The following NXPH1 variants were observed in gnomAD, a reference collection of about 807,000 sequenced individuals.
NXPH1 encodes neurexophilin-1.
NXPH1 carries 5 observed loss-of-function variants against 23.7 expected under a neutral mutation model. That is an observed-to-expected ratio of 0.21 (90% confidence interval 0.11 to 0.44). The LOEUF (loss-of-function observed/expected upper bound fraction) is 0.44. Among genes scored for constraint, NXPH1 ranks in the 20% least tolerant of loss-of-function variants. The pLI, the probability that NXPH1 is intolerant of heterozygous loss-of-function variation, is 0.99. For missense variants in NXPH1, 324 were observed against 321.6 expected (o/e 1.01, Z -0.06); for synonymous variants, 144 against 122.2 (o/e 1.18, Z -1.18).
intron 2 of NXPH1, among the ~76,000 whole-genome samples, chr7:8,504,998 G>T (rs1446003548): frequency 6.6e-6 from 1 of 152,030 alleles, no homozygotes; most frequent in African/African-American, 2.4e-5. Flanking sequence ...CATTCAGTTT[G>T]AATGCCCTGC....
At chr7:8,456,517 G>A (rs1816596979) in intron 2 of NXPH1, among the ~76,000 whole-genome samples, 2 of 152,156 alleles carry the variant, frequency 1.3e-5, no homozygotes, top group South Asian at 4.1e-4. Context: ...CAGGTTTAAG[G>A]AAACAGAGGT....
intron 2 of NXPH1, among the ~76,000 whole-genome samples, chr7:8,682,271 C>G (rs1438703361): frequency 1.3e-5 from 2 of 152,116 alleles, no homozygotes; most frequent in East Asian, 3.9e-4. Flanking sequence ...CTAGCCGTGC[C>G]TCAGAAGTTC....
intron 2 of NXPH1, among the ~76,000 whole-genome samples, chr7:8,579,373 TTTG>T (rs781139643): frequency 2.1e-3 from 146 of 68,948 alleles, no homozygotes; most frequent in African/African-American, 0.018. Flanking sequence ...GTTTTTTTTT[TTTG>T]TTTTGTTTTT....
intron 2 of NXPH1, among the ~76,000 whole-genome samples, chr7:8,446,249 A>C (rs1409410330): frequency 6.6e-6 from 1 of 152,228 alleles, no homozygotes; most frequent in Non-Finnish European, 1.5e-5. Context: ...AGTGATATGA[A>C]CACTGGTATG....
At chr7:8,666,646 G>A (rs993629110) in intron 2 of NXPH1, among the ~76,000 whole-genome samples, 1 of 152,036 alleles carries the variant, frequency 6.6e-6, no homozygotes, top group South Asian at 2.1e-4. Flanking sequence ...CAGCAGTAAA[G>A]CCATCAAGTC....
chr7:8,726,330 T>TA (rs1190408867), intron 2 of NXPH1, among the ~76,000 whole-genome samples: 4 of 152,064 alleles, frequency 2.6e-5, no homozygotes, highest in Admixed American at 1.3e-4. Context: ...TTTGTTTGTT[T>TA]TTTTTAAATG....
chr7:8,579,443 G>A (rs1364120172), intron 2 of NXPH1, among the ~76,000 whole-genome samples: 4 of 151,286 alleles, frequency 2.6e-5, no homozygotes, highest in African/African-American at 9.8e-5. Context: ...TGTGATCTTG[G>A]CTCACTGAAA....
chr7:8,507,853 G>T (rs758324778), intron 2 of NXPH1, among the ~76,000 whole-genome samples: 7 of 152,074 alleles, frequency 4.6e-5, no homozygotes, highest in Non-Finnish European at 7.4e-5. Context: ...CTTGTGGCTG[G>T]GCAGTAAGCT....
chr7:8,493,212 G>C (rs1373835853), intron 2 of NXPH1, among the ~76,000 whole-genome samples: 1 of 151,954 alleles, frequency 6.6e-6, no homozygotes, highest in Non-Finnish European at 1.5e-5. Context: ...ATAATGTGAG[G>C]ACAATGGTTA....
intron 2 of NXPH1, among the ~76,000 whole-genome samples, chr7:8,731,732 T>A (rs913655487): frequency 6.6e-4 from 101 of 152,340 alleles, no homozygotes; most frequent in Non-Finnish European, 1.3e-3. Flanking sequence ...GGAGAACCAC[T>A]GCTCTCTTCA....
At chr7:8,475,623 G>C (rs1376918983) in intron 2 of NXPH1, among the ~76,000 whole-genome samples, 1 of 152,034 alleles carries the variant, frequency 6.6e-6, no homozygotes, top group Non-Finnish European at 1.5e-5. Flanking sequence ...TGATTGCTGG[G>C]GAAAGTTTAG....
chr7:8,473,645 T>A (rs1248557398), intron 2 of NXPH1, among the ~76,000 whole-genome samples: 1 of 152,152 alleles, frequency 6.6e-6, no homozygotes, highest in East Asian at 1.9e-4. Context: ...GTGTTTTCTG[T>A]ATAAATAAGC....
chr7:8,575,876 C>A (rs1180244605), intron 2 of NXPH1, among the ~76,000 whole-genome samples: 5 of 151,954 alleles, frequency 3.3e-5, no homozygotes. Context: ...ATCATAGTTT[C>A]CCATTATTTC....
chr7:8,691,919 A>C (rs6949037), intron 2 of NXPH1, among the ~76,000 whole-genome samples: 6,493 of 152,150 alleles, frequency 0.043, 424 homozygotes, highest in African/African-American at 0.14. Flanking sequence ...TAGGTTAGGG[A>C]AAGTCTTTTG....
chr7:8,460,784 T>C (rs1816681140), intron 2 of NXPH1, among the ~76,000 whole-genome samples: 1 of 152,230 alleles, frequency 6.6e-6, no homozygotes. Context: ...CTCCCAATTA[T>C]TGACCACCTA....
At chr7:8,617,394 G>C (rs1244340506) in intron 2 of NXPH1, among the ~76,000 whole-genome samples, 3 of 151,956 alleles carry the variant, frequency 2.0e-5, no homozygotes, top group Non-Finnish European at 4.4e-5. Flanking sequence ...GCTAAGATTT[G>C]GATGCAACCT....
intron 2 of NXPH1, among the ~76,000 whole-genome samples, chr7:8,642,267 T>G (rs368280291): frequency 1.3e-5 from 2 of 152,344 alleles, no homozygotes; most frequent in Admixed American, 6.5e-5. Context: ...GAAATCATTT[T>G]TCTCTAGTGA....
At chr7:8,567,535 T>G (rs755826046) in intron 2 of NXPH1, among the ~76,000 whole-genome samples, 1 of 151,930 alleles carries the variant, frequency 6.6e-6, no homozygotes, top group African/African-American at 2.4e-5. Flanking sequence ...CTAGAACATT[T>G]TTATCCAGTA....
intron 2 of NXPH1, among the ~76,000 whole-genome samples, chr7:8,602,431 G>A (rs944842845): frequency 1.3e-5 from 2 of 151,904 alleles, no homozygotes; most frequent in Non-Finnish European, 1.5e-5. Flanking sequence ...TTATACTTTG[G>A]TCTCTGACAT....
Sources: allele counts gnomAD v4.1 joint callset (sites outside exome capture counted in the v4.1 genomes callset), GRCh38; gene constraint gnomAD v4.1.1; transcripts MANE v1.5; gene names NCBI Gene and HGNC (gene_info 2026-07-23, HGNC 2026-07-21).